SEMA5A: variants seen among roughly 807,000 people sequenced by gnomAD.
SEMA5A encodes semaphorin-5A.
A neutral mutation model predicts 135.5 loss-of-function variants in SEMA5A; 55 were observed. The observed-to-expected ratio is 0.41, with a 90% CI of 0.33 to 0.51. The LOEUF (loss-of-function observed/expected upper bound fraction) is 0.51. Ranked by LOEUF, SEMA5A falls within the 20% of genes least tolerant of loss-of-function variation. SEMA5A has a pLI of 0.37. For synonymous variants in SEMA5A, 580 were observed against 546.5 expected (o/e 1.06, Z -0.85); for missense variants, 1,290 against 1,419.9 (o/e 0.91, Z 1.47).
intron 1 of SEMA5A, among the ~76,000 whole-genome samples, chr5:9,478,023 T>C (rs1050143430): frequency 1.3e-5 from 2 of 152,158 alleles, no homozygotes; most frequent in Non-Finnish European, 2.9e-5. Context: ...CATGATGCGC[T>C]GTATCCCAGC....
intron 3 of SEMA5A, among the ~76,000 whole-genome samples, chr5:9,371,472 A>G (rs921825473): frequency 1.3e-5 from 2 of 152,216 alleles, no homozygotes; most frequent in Non-Finnish European, 2.9e-5. Flanking sequence ...TGCACTCATG[A>G]ATAATTATTA....
At chr5:9,506,434 G>C (rs1022916727) in intron 1 of SEMA5A, among the ~76,000 whole-genome samples, 1 of 152,192 alleles carries the variant, frequency 6.6e-6, no homozygotes, top group Non-Finnish European at 1.5e-5. Flanking sequence ...TGGGCTGCAA[G>C]TAACTATCCA....
intron 5 of SEMA5A, among the ~76,000 whole-genome samples, chr5:9,256,895 G>T (rs138291418): frequency 2.0e-4 from 31 of 152,318 alleles, no homozygotes; most frequent in African/African-American, 7.2e-4. Context: ...CATGAAGAGT[G>T]AAAAAATCAG....
intron 1 of SEMA5A, among the ~76,000 whole-genome samples, chr5:9,537,326 C>T (rs1291849744): frequency 6.6e-6 from 1 of 152,154 alleles, no homozygotes; most frequent in African/African-American, 2.4e-5. Context: ...AATCTTGTAA[C>T]CAGCCAGTCT....
chr5:9,106,346 A>T (rs1203472211), intron 16 of SEMA5A, among the ~76,000 whole-genome samples: 1 of 152,276 alleles, frequency 6.6e-6, no homozygotes, highest in Non-Finnish European at 1.5e-5. Flanking sequence ...TTTTACATTT[A>T]TCATCAGATG....
Position 9,544,368 on chromosome 5 carries a change from T to C in SEMA5A, c.-175+1216A>G, listed in dbSNP as rs144599270. On this transcript the variant is annotated intron_variant, in intron 1 of 22. Coordinates refer to ENST00000382496, the MANE Select transcript of SEMA5A (RefSeq NM_003966.3). ...ATGTAACAGTCACAAGGAAGGCAGATGCCCAGACAAGGAAGACTTTACAGC... is the reference window on the plus strand; with the variant it reads ...ATGTAACAGTCACAAGGAAGGCAGACGCCCAGACAAGGAAGACTTTACAGC... Among the ~76,000 whole-genome samples the C allele has an allele frequency of 4.4e-4, 67 of 152,342 alleles. No homozygotes were observed. In the East Asian group the frequency reaches 0.013, roughly 29 times the overall value.
chr5:9,305,655 C>T (rs538033080), intron 5 of SEMA5A, among the ~76,000 whole-genome samples: 2 of 150,256 alleles, frequency 1.3e-5, no homozygotes, highest in South Asian at 2.1e-4. Flanking sequence ...ACACCAACAC[C>T]GGGGAGAAGG....
intron 5 of SEMA5A, among the ~76,000 whole-genome samples, chr5:9,297,710 A>T (rs2150601413): frequency 1.6e-5 from 2 of 127,136 alleles, no homozygotes; most frequent in East Asian, 4.8e-4. Context: ...ACATGCCACC[A>T]TGTCAAGCTA....
chr5:9,384,607 G>GATAC lies in SEMA5A; in HGVS notation c.-77-4585_-77-4584insGTAT, dbSNP rs1458783042. Reference sequence around the variant, plus strand: ...AGATAGATAGATAGATAGATAGATAGATAGATAGATACATAGATAGATAGA... The same window carrying GATAC: ...AGATAGATAGATAGATAGATAGATAGATACATAGATAGATACATAGATAGATAGA... On this transcript the variant is annotated intron_variant, in intron 2 of 22. Coordinates refer to ENST00000382496, the MANE Select transcript of SEMA5A (RefSeq NM_003966.3). Among the ~76,000 whole-genome samples the GATAC allele has an allele frequency of 5.3e-3, 459 of 86,938 alleles. 2 individuals are homozygous for GATAC. Among genetic ancestry groups the GATAC allele is most frequent in the Middle Eastern group, 0.011 (2 of 178 alleles). 57.0% of individuals were successfully genotyped at this position (86,938 alleles called of 152,430 possible).
At position 9,207,112 on chromosome 5, in the gene SEMA5A, A is replaced by ATATATATATATATATG. The variant is rs1554003347; in HGVS notation, c.647-4873_647-4872insCATATATATATATATA. Among the ~76,000 whole-genome samples the ATATATATATATATATG allele has an allele frequency of 9.2e-4, 78 of 84,794 alleles. 2 individuals are homozygous for ATATATATATATATATG. Among genetic ancestry groups the ATATATATATATATATG allele is most frequent in the African/African-American group, 2.8e-3 (73 of 26,198 alleles). The allele number at this position is 84,794 out of a possible 152,430, so 55.6% of individuals were successfully genotyped here. A position where few individuals can be genotyped will look rare whatever the true frequency, so the allele number is the denominator to read the frequency against. On this transcript the variant is annotated intron_variant, in intron 8 of 22. Coordinates refer to ENST00000382496, the MANE Select transcript of SEMA5A (RefSeq NM_003966.3). ...AATGAATGATCAAGTGTATATATAT[A>ATATATATATATATATG]TATATATATATATATATATATAAAG...
At chr5:9,206,458 G>A (rs1033614174) in intron 8 of SEMA5A, among the ~76,000 whole-genome samples, 2 of 151,134 alleles carry the variant, frequency 1.3e-5, no homozygotes, top group Admixed American at 6.6e-5. Flanking sequence ...CAAGTGATGC[G>A]AAGAAAAACA....
At chr5:9,472,888 A>G (rs2126758697) in intron 1 of SEMA5A, among the ~76,000 whole-genome samples, 1 of 150,560 alleles carries the variant, frequency 6.6e-6, no homozygotes, top group East Asian at 1.9e-4. Context: ...ATTAGTATTT[A>G]TTGAATAAGT....
intron 5 of SEMA5A, among the ~76,000 whole-genome samples, chr5:9,292,066 T>G (rs564136605): frequency 6.6e-6 from 1 of 152,260 alleles, no homozygotes; most frequent in East Asian, 1.9e-4. Flanking sequence ...TCCTCGAGGC[T>G]ACTTTTGGTC....
At chr5:9,417,128 G>A (rs1757308792) in intron 2 of SEMA5A, among the ~76,000 whole-genome samples, 1 of 152,188 alleles carries the variant, frequency 6.6e-6, no homozygotes, top group East Asian at 1.9e-4. Context: ...AAATAAGAGA[G>A]GCCATTTATA....
intron 1 of SEMA5A, among the ~76,000 whole-genome samples, chr5:9,483,618 T>C (rs780654255): frequency 4.6e-5 from 7 of 152,242 alleles, no homozygotes; most frequent in Non-Finnish European, 1.0e-4. Flanking sequence ...CACTTAAAGC[T>C]GGCTGAAAAT....
At chr5:9,497,122 TTA>T (rs945330840) in intron 1 of SEMA5A, among the ~76,000 whole-genome samples, 1 of 152,148 alleles carries the variant, frequency 6.6e-6, no homozygotes, top group Non-Finnish European at 1.5e-5. Context: ...CATTAGATAC[TTA>T]TAGGGACATG....
At chr5:9,460,340 C>T (rs201247506) in intron 1 of SEMA5A, among the ~76,000 whole-genome samples, 19 of 150,804 alleles carry the variant, frequency 1.3e-4, no homozygotes, top group African/African-American at 4.6e-4. Context: ...TTTAAAAATA[C>T]GTAGAACAAA....
intron 16 of SEMA5A, among the ~76,000 whole-genome samples, chr5:9,089,451 C>A (rs1009350398): frequency 1.3e-5 from 2 of 152,220 alleles, no homozygotes; most frequent in Admixed American, 1.3e-4. Context: ...CAACTCCCCC[C>A]ATAAAGGCTC....
chr5:9,420,133 C>T (rs550893719), intron 2 of SEMA5A, among the ~76,000 whole-genome samples: 1 of 152,160 alleles, frequency 6.6e-6, no homozygotes, highest in Admixed American at 6.5e-5. Context: ...GAACGATGTG[C>T]AATGCCCAGG....
Sources: allele counts gnomAD v4.1 joint callset (sites outside exome capture counted in the v4.1 genomes callset), GRCh38; gene constraint gnomAD v4.1.1; transcripts MANE v1.5; gene names NCBI Gene and HGNC (gene_info 2026-07-23, HGNC 2026-07-21).